The following PPM1B variants were observed in gnomAD, a reference collection of about 807,000 sequenced individuals.
PPM1B encodes the protein protein phosphatase 1B.
PPM1B carries 22 observed loss-of-function variants against 43.0 expected under a neutral mutation model. That is an observed-to-expected ratio of 0.51 (90% CI 0.37 to 0.73). PPM1B has a LOEUF of 0.73. Among genes scored for constraint, PPM1B ranks in the 30% least tolerant of loss-of-function variants. PPM1B has a pLI of 0.00. For synonymous variants in PPM1B, 217 were observed against 197.9 expected (o/e 1.10, Z -0.81); for missense variants, 632 against 584.2 (o/e 1.08, Z -0.84).
chr2:44,184,347 G>T (rs1668024737), intron 1 of PPM1B, among the ~76,000 whole-genome samples: 1 of 152,136 alleles, frequency 6.6e-6, no homozygotes, highest in East Asian at 1.9e-4. Flanking sequence ...GTACCACACT[G>T]TTGGTTTTCC....
Position 44,229,505 on chromosome 2 carries a change from T to C in PPM1B, c.1135-908T>C, listed in dbSNP as rs189499214. ...AAGAATCTGAGCCAGTTTTTTACAA[T>C]ACGTCCTGCATTCTGAATTCATATG... On this transcript the variant is annotated intron_variant, in intron 5 of 5. Transcript: ENST00000282412. Among the ~76,000 whole-genome samples, 555 of 152,308 alleles carry C rather than the reference T, an allele frequency of 3.6e-3. 4 individuals are homozygous for C. The highest frequency in any genetic ancestry group is 6.2e-3 in the Non-Finnish European group (422 of 68,022).
intron 1 of PPM1B, among the ~76,000 whole-genome samples, chr2:44,172,342 A>G (rs892317846): frequency 6.6e-6 from 1 of 152,252 alleles, no homozygotes; most frequent in Non-Finnish European, 1.5e-5. Context: ...CTGACATTTC[A>G]CTATGCTATA....
downstream of PPM1B, among the ~76,000 whole-genome samples, chr2:44,237,496 T>C (rs1354484923): frequency 6.6e-6 from 1 of 152,206 alleles, no homozygotes; most frequent in Non-Finnish European, 1.5e-5. Flanking sequence ...CTGGCAGATA[T>C]GCTCTTCTAA....
At chr2:44,246,520 C>T (rs1169674153), downstream of PPM1B, among the ~76,000 whole-genome samples, 1 of 152,086 alleles carries the variant, frequency 6.6e-6, no homozygotes, top group East Asian at 1.9e-4. Context: ...GCCTCAGAAA[C>T]TTCTCTTCAG....
intron 3 of PPM1B, among the ~76,000 whole-genome samples, chr2:44,215,267 A>C (rs1049769573): frequency 1.3e-5 from 2 of 152,176 alleles, no homozygotes; most frequent in African/African-American, 4.8e-5. Flanking sequence ...TAGGAGTTCA[A>C]GACCAGCCTC....
rs919382597 is a variant in PPM1B at position 44,180,126 on chromosome 2, G to A, written c.-15+10852G>A. ...GACAGTACTTGAATGGCAATAATAG[G>A]GGTAGGAACAAGGCAATTGCTTAAT... On this transcript the variant is annotated intron_variant, in intron 1 of 5. Transcript: ENST00000282412. Among the ~76,000 whole-genome samples, 3 of 152,116 alleles carry A rather than the reference G, an allele frequency of 2.0e-5. No individual in the cohort carries two copies. In the East Asian group the frequency reaches 5.8e-4, roughly 29 times the overall value.
At chr2:44,195,981 T>C (rs1277715507) in intron 1 of PPM1B, among the ~76,000 whole-genome samples, 1 of 152,322 alleles carries the variant, frequency 6.6e-6, no homozygotes, top group East Asian at 1.9e-4. Context: ...CTGCCTATCA[T>C]GTTAAGTGAG....
intron 1 of PPM1B, among the ~76,000 whole-genome samples, chr2:44,186,235 T>A (rs775483882): frequency 5.3e-4 from 80 of 152,226 alleles, no homozygotes; most frequent in Non-Finnish European, 4.6e-4. Flanking sequence ...AATCTACACA[T>A]TGTCTAGGAA....
chr2:44,188,952 T>C (rs1159905748), intron 1 of PPM1B, among the ~76,000 whole-genome samples: 1 of 152,084 alleles, frequency 6.6e-6, no homozygotes, highest in Non-Finnish European at 1.5e-5. Flanking sequence ...CACTTCAGCC[T>C]TGATCTTCTG....
intron 1 of PPM1B, among the ~76,000 whole-genome samples, chr2:44,187,759 T>C (rs916390846): frequency 3.3e-5 from 5 of 151,622 alleles, no homozygotes; most frequent in African/African-American, 1.2e-4. Context: ...TCACCTTTAC[T>C]TTTTTTTTGA....
chr2:44,228,227 G>A (rs112188740), intron 5 of PPM1B, among the ~76,000 whole-genome samples: 369 of 129,256 alleles, frequency 2.9e-3, no homozygotes, highest in Middle Eastern at 0.015. Context: ...TCACTCTGTC[G>A]TTCAGACTGG....
chr2:44,179,370 A>C (rs907651506), intron 1 of PPM1B, among the ~76,000 whole-genome samples: 1 of 152,178 alleles, frequency 6.6e-6, no homozygotes, highest in African/African-American at 2.4e-5. Flanking sequence ...ACTTACAGCA[A>C]ATCTCTATTA....
intron 1 of PPM1B, among the ~76,000 whole-genome samples, chr2:44,170,573 C>G (rs1490262944): frequency 6.6e-6 from 1 of 152,174 alleles, no homozygotes. Flanking sequence ...CAGTGTAAGT[C>G]ACAGTATGTT....
chr2:44,197,192 C>T (rs1224080833), intron 1 of PPM1B, among the ~76,000 whole-genome samples: 1 of 152,070 alleles, frequency 6.6e-6, no homozygotes, highest in Non-Finnish European at 1.5e-5. Flanking sequence ...ATAATCAGGG[C>T]TCACTGCAGC....
At chr2:44,204,470 A>G (rs1669074925) in intron 2 of PPM1B, among the ~76,000 whole-genome samples, 2 of 152,166 alleles carry the variant, frequency 1.3e-5, no homozygotes, top group Admixed American at 1.3e-4. Context: ...TCATACTTTC[A>G]TAATTTATAA....
At chr2:44,208,559 A>C (rs905369646) in intron 2 of PPM1B, among the ~76,000 whole-genome samples, 1 of 152,094 alleles carries the variant, frequency 6.6e-6, no homozygotes, top group African/African-American at 2.4e-5. Flanking sequence ...CTAAATATAA[A>C]AAAATTAGCC....
intron 5 of PPM1B, among the ~76,000 whole-genome samples, chr2:44,219,665 C>T (rs542910027): frequency 5.9e-5 from 9 of 152,132 alleles, no homozygotes; most frequent in South Asian, 4.2e-4. Context: ...TACCCAAGGC[C>T]GGGCACGGTG....
intron 1 of PPM1B, among the ~76,000 whole-genome samples, chr2:44,179,765 T>A (rs1348543971): frequency 2.0e-5 from 3 of 152,020 alleles, no homozygotes; most frequent in African/African-American, 7.2e-5. Context: ...TCCCAGCACT[T>A]TGGGAGGCCG....
At chr2:44,237,144 T>C (rs567798130), downstream of PPM1B, among the ~76,000 whole-genome samples, 5 of 152,386 alleles carry the variant, frequency 3.3e-5, no homozygotes, top group South Asian at 8.3e-4. Flanking sequence ...TAGTTCATAA[T>C]GGGCATTATA....
Sources: gnomAD v4.1 joint callset for allele counts (sites outside exome capture counted in the v4.1 genomes callset) on GRCh38, gnomAD v4.1.1 for gene constraint, MANE v1.5 for transcripts, NCBI Gene and HGNC (gene_info 2026-07-23, HGNC 2026-07-21) for gene names.